TTC7B: variants seen among roughly 807,000 people sequenced by gnomAD.
TTC7B encodes the protein tetratricopeptide repeat domain 7B.
In TTC7B, 28 loss-of-function variants were observed where a neutral mutation model predicts 106.8. That is an observed-to-expected ratio of 0.26 (90% CI 0.19 to 0.36). The LOEUF (loss-of-function observed/expected upper bound fraction) is 0.36, where lower values mean the gene tolerates loss of function less well. TTC7B is among the 10% of genes least tolerant of loss of function. The pLI, the probability that TTC7B is intolerant of heterozygous loss-of-function variation, is 1.00. For synonymous variants in TTC7B, 405 were observed against 430.6 expected (o/e 0.94, Z 0.74); for missense variants, 862 against 1,076.4 (o/e 0.80, Z 2.79).
At chr14:90,554,241 C>A (rs529879150) in intron 19 of TTC7B, among the ~76,000 whole-genome samples, 6 of 152,354 alleles carry the variant, frequency 3.9e-5, no homozygotes, top group Non-Finnish European at 7.3e-5. Context: ...CAAAGCCCCA[C>A]AGTCCCCCAC....
At chr14:90,649,547 C>T (rs369177767) in intron 13 of TTC7B, among the ~76,000 whole-genome samples, 23 of 152,266 alleles carry the variant, frequency 1.5e-4, no homozygotes, top group African/African-American at 5.5e-4. Context: ...TCATAAACTC[C>T]GTGCCCATAA....
Position 90,530,037 on chromosome 14 carries a change from G to C in TTC7B, c.*11331C>G, listed in dbSNP as rs2139748536. On this transcript the variant is annotated 3_prime_UTR_variant, in exon 20 of 20. Coordinates refer to ENST00000328459, the MANE Select transcript of TTC7B (RefSeq NM_001010854.2). Reference sequence around the variant, plus strand: ...TAATCCCAGCACTTTGGGAGGCCGAGGTGGGCGGATCACGAGGTCAGGAGA... The same window carrying C: ...TAATCCCAGCACTTTGGGAGGCCGACGTGGGCGGATCACGAGGTCAGGAGA... 1 of 152,364 alleles carries C rather than the reference G, an allele frequency of 6.6e-6. No individual in the cohort carries two copies. The highest frequency in any genetic ancestry group is 2.4e-5 in the African/African-American group (1 of 41,580). The allele number at this position is 152,364 out of a possible 1,614,324, so 9.4% of individuals were successfully genotyped here.
chr14:90,597,797 C>G lies in TTC7B; in HGVS notation c.1967-4171G>C, dbSNP rs1239621632. On this transcript the variant is annotated intron_variant, in intron 17 of 19. Transcript: ENST00000328459. ...AACAGCTGGAAACACTGGCTCTAAC[C>G]AGCACATTTTTAAAGAACCCCTTTC... Among the ~76,000 whole-genome samples the G allele has an allele frequency of 5.9e-5, 9 of 152,112 alleles. No individual in the cohort carries two copies. In the East Asian group the frequency reaches 1.7e-3, roughly 29 times the overall value.
Position 90,714,981 on chromosome 14 carries a change from G to A in TTC7B, c.698+15094C>T, listed in dbSNP as rs990206596. On this transcript the variant is annotated intron_variant, in intron 5 of 19. Coordinates refer to ENST00000328459, the MANE Select transcript of TTC7B (RefSeq NM_001010854.2). ...TCTCAGCAGTTTCTCTTGTAGCAGG[G>A]CCCAGTCCCAGAACAGAGCCCTAGT... Among the ~76,000 whole-genome samples, 3 of 151,928 alleles carry A rather than the reference G, an allele frequency of 2.0e-5. No individual in the cohort carries two copies. The South Asian group carries it at 6.2e-4, about 32-fold the overall frequency.
intron 4 of TTC7B, among the ~76,000 whole-genome samples, chr14:90,741,282 G>C (rs564088841): frequency 6.6e-6 from 1 of 152,138 alleles, no homozygotes; most frequent in Non-Finnish European, 1.5e-5. Context: ...CTCAGAGAAC[G>C]GCACTCCCTC....
At chr14:90,676,373 G>A in intron 9 of TTC7B, 150 bp downstream of exon 9, 1 of 817,786 alleles carries the variant, frequency 1.2e-6, no homozygotes, top group South Asian at 1.8e-5. Flanking sequence ...CATTCTACAG[G>A]GGAGAAAACC....
intron 18 of TTC7B, 76 bp downstream of exon 18, chr14:90,593,410 G>A: frequency 6.8e-7 from 1 of 1,478,530 alleles, no homozygotes. Flanking sequence ...CCAGGCTCTG[G>A]CACAGCAGCG....
At chr14:90,809,114 C>T (rs1284371749) in intron 1 of TTC7B, among the ~76,000 whole-genome samples, 3 of 152,170 alleles carry the variant, frequency 2.0e-5, no homozygotes, top group East Asian at 1.9e-4. Context: ...CTCTCTGCAC[C>T]GCCACCCTCC....
intron 7 of TTC7B, among the ~76,000 whole-genome samples, chr14:90,687,624 T>G (rs1351448860): frequency 6.6e-6 from 1 of 152,184 alleles, no homozygotes; most frequent in Non-Finnish European, 1.5e-5. Flanking sequence ...TAAATATCAC[T>G]TAAAAATGAA....
At chr14:90,776,517 AT>A (rs1390221691) in intron 3 of TTC7B, among the ~76,000 whole-genome samples, 2 of 152,140 alleles carry the variant, frequency 1.3e-5, no homozygotes, top group Non-Finnish European at 2.9e-5. Context: ...ATCAAATATC[AT>A]TGACTCTTCC....
chr14:90,688,620 TCAAAAAAAAAAAAAA>T (rs1396613155), intron 7 of TTC7B, among the ~76,000 whole-genome samples: 2 of 31,110 alleles, frequency 6.4e-5, no homozygotes, highest in Admixed American at 5.7e-4. Context: ...AGGCTCTGTC[TCAAAAAAAAAAAAAA>T]AAAAAAAAAA....
intron 8 of TTC7B, among the ~76,000 whole-genome samples, chr14:90,677,417 T>C (rs891754691): frequency 3.3e-5 from 5 of 152,270 alleles, no homozygotes. Flanking sequence ...TCAAATGCTC[T>C]TTACAGCAAC....
intron 17 of TTC7B, among the ~76,000 whole-genome samples, chr14:90,596,124 T>A (rs571483676): frequency 9.9e-5 from 15 of 152,264 alleles, no homozygotes; most frequent in Admixed American, 4.6e-4. Context: ...ATGTTTTTTT[T>A]AACATGTTTT....
At chr14:90,800,023 A>G (rs975416452) in intron 1 of TTC7B, among the ~76,000 whole-genome samples, 3 of 151,948 alleles carry the variant, frequency 2.0e-5, no homozygotes, top group East Asian at 3.9e-4. Flanking sequence ...TAGTAGAGTC[A>G]GGGTTTCACC....
chr14:90,780,350 C>T (rs540768412), intron 3 of TTC7B, among the ~76,000 whole-genome samples: 159 of 150,016 alleles, frequency 1.1e-3, no homozygotes, highest in African/African-American at 3.8e-3. Flanking sequence ...CATTGCACTC[C>T]AGCCTGGGCA....
intron 13 of TTC7B, among the ~76,000 whole-genome samples, chr14:90,652,459 C>T (rs1382146087): frequency 7.1e-6 from 1 of 140,682 alleles, no homozygotes; most frequent in Non-Finnish European, 1.5e-5. Flanking sequence ...TTCCTTTATA[C>T]AAAAACCTGC....
At chr14:90,774,840 G>T (rs1201768523) in intron 3 of TTC7B, among the ~76,000 whole-genome samples, 1 of 152,184 alleles carries the variant, frequency 6.6e-6, no homozygotes, top group East Asian at 1.9e-4. Context: ...AAGAGTTTGA[G>T]ACCAGCCTAG....
At chr14:90,701,717 C>T (rs1204160360) in intron 5 of TTC7B, among the ~76,000 whole-genome samples, 1 of 150,812 alleles carries the variant, frequency 6.6e-6, no homozygotes, top group Non-Finnish European at 1.5e-5. Context: ...TATACACACA[C>T]ACAAATATAT....
At chr14:90,584,304 T>G (rs1173744881) in intron 18 of TTC7B, among the ~76,000 whole-genome samples, 1 of 152,264 alleles carries the variant, frequency 6.6e-6, no homozygotes, top group Non-Finnish European at 1.5e-5. Context: ...CACGCAGGTC[T>G]AGTTTCCTCG....
Sources: gnomAD v4.1 joint callset for allele counts (sites outside exome capture counted in the v4.1 genomes callset) on GRCh38, gnomAD v4.1.1 for gene constraint, MANE v1.5 for transcripts, NCBI Gene and HGNC (gene_info 2026-07-23, HGNC 2026-07-21) for gene names.